NEDD4: variants seen among roughly 807,000 people sequenced by gnomAD.
NEDD4 encodes the protein NEDD4 E3 ubiquitin protein ligase, also known as E3 ubiquitin-protein ligase NEDD4.
In NEDD4, 99 loss-of-function variants were observed where a neutral mutation model predicts 144.9. The observed-to-expected ratio is 0.68, with a 90% CI of 0.58 to 0.81. The LOEUF (loss-of-function observed/expected upper bound fraction) is 0.81, where lower values mean the gene tolerates loss of function less well. NEDD4 is among the 30% of genes least tolerant of loss of function. The pLI is 0.00. For missense variants in NEDD4, 985 were observed against 1,065.9 expected (o/e 0.92, Z 1.06); for synonymous variants, 318 against 350.6 (o/e 0.91, Z 1.04).
At chr15:55,832,581 A>G (rs556665001) in intron 27 of NEDD4, among the ~76,000 whole-genome samples, 1 of 152,130 alleles carries the variant, frequency 6.6e-6, no homozygotes, top group African/African-American at 2.4e-5. Flanking sequence ...AGCCCAGCTA[A>G]TATTTGTATT....
In NEDD4 at chr15:55,951,526, T is replaced by C. The variant is rs1358234875; in HGVS notation, c.183A>G (p.Thr61=). ...PMNGVLTSVQ[T]KTIKKSLNPK... Reference sequence around the variant, plus strand: ...TAAGTCTAACCTTTTTAATGGTTTTTGTTTGCACACTTGTAAGAACTCCAT... The same window carrying C: ...TAAGTCTAACCTTTTTAATGGTTTTCGTTTGCACACTTGTAAGAACTCCAT... Residue 61 remains threonine, a synonymous_variant, in exon 3 of 29, where the codon ACA becomes ACG. Coordinates refer to ENST00000435532, the MANE Select transcript of NEDD4 (RefSeq NM_006154.4). The C allele has an allele frequency of 3.3e-6, 5 of 1,534,796 alleles. No homozygotes were observed. Among genetic ancestry groups the C allele is most frequent in the Non-Finnish European group, 3.5e-6 (4 of 1,141,698 alleles).
intron 5 of NEDD4, among the ~76,000 whole-genome samples, chr15:55,876,325 C>A (rs1335370399): frequency 6.7e-6 from 1 of 149,904 alleles, no homozygotes. Flanking sequence ...ATAAAGAGCA[C>A]CAGAAAATGG....
chr15:55,840,366 T>G, intron 21 of NEDD4, 81 bp downstream of exon 21: 1 of 1,217,306 alleles, frequency 8.2e-7, no homozygotes, highest in Non-Finnish European at 1.2e-6. Flanking sequence ...AATTTCCATG[T>G]CATTAAAAGC....
intron 5 of NEDD4, among the ~76,000 whole-genome samples, chr15:55,900,086 T>C (rs1412589307): frequency 6.6e-6 from 1 of 151,526 alleles, no homozygotes; most frequent in African/African-American, 2.4e-5. Flanking sequence ...TTTTTTAAAC[T>C]AGTTTGGCTC....
chr15:55,870,690 T>C (rs2034759840), intron 7 of NEDD4, among the ~76,000 whole-genome samples: 2 of 151,904 alleles, frequency 1.3e-5, no homozygotes, highest in South Asian at 4.2e-4. Context: ...CACACTGCCA[T>C]GCCCGGTTAA....
chr15:55,951,931 G>A (rs2037247866), intron 2 of NEDD4, among the ~76,000 whole-genome samples: 1 of 151,788 alleles, frequency 6.6e-6, no homozygotes, highest in Admixed American at 6.6e-5. Flanking sequence ...CAATGATTCT[G>A]ACGCTGGTTT....
At chr15:55,858,069 T>A (rs1159763357) in intron 11 of NEDD4, among the ~76,000 whole-genome samples, 1 of 152,236 alleles carries the variant, frequency 6.6e-6, no homozygotes, top group African/African-American at 2.4e-5. Flanking sequence ...TGCATTTAAA[T>A]AATTTACATA....
chr15:55,898,322 C>A (rs2035801925), intron 5 of NEDD4, among the ~76,000 whole-genome samples: 2 of 152,178 alleles, frequency 1.3e-5, no homozygotes, highest in South Asian at 4.1e-4. Context: ...CTAAAAGTTA[C>A]AAACTACTGA....
intron 4 of NEDD4, among the ~76,000 whole-genome samples, chr15:55,925,488 T>C (rs1176559184): frequency 6.6e-6 from 1 of 152,232 alleles, no homozygotes; most frequent in Non-Finnish European, 1.5e-5. Context: ...GTCAAAAGTA[T>C]ACACTGCGTT....
intron 5 of NEDD4, among the ~76,000 whole-genome samples, chr15:55,913,763 CA>C (rs1206442109): frequency 1.3e-5 from 2 of 151,974 alleles, no homozygotes; most frequent in East Asian, 3.8e-4. Context: ...ATACTCTTCT[CA>C]AAAGCATCCA....
chr15:55,983,069 C>T (rs2037829526), intron 1 of NEDD4, among the ~76,000 whole-genome samples: 1 of 151,978 alleles, frequency 6.6e-6, no homozygotes, highest in Admixed American at 6.6e-5. Flanking sequence ...TTGCAGTGAA[C>T]CGAGATTGCG....
intron 8 of NEDD4, 38 bp from the exon 9 acceptor site, chr15:55,863,117 A>AT (rs754850145): frequency 2.7e-6 from 4 of 1,485,416 alleles, no homozygotes; most frequent in African/African-American, 2.8e-5. Context: ...TTTACGCATG[A>AT]TTTTTTTAAC....
At chr15:55,915,432 G>C in intron 5 of NEDD4, 1 of 1,613,796 alleles carries the variant, frequency 6.2e-7, no homozygotes, top group Non-Finnish European at 8.5e-7. Context: ...GGATAGACAG[G>C]AAATATTTGG....
chr15:55,924,896 C>T (rs2036634146), intron 4 of NEDD4, among the ~76,000 whole-genome samples, 197 bp from the exon 5 acceptor site: 1 of 152,052 alleles, frequency 6.6e-6, no homozygotes, highest in African/African-American at 2.4e-5. Flanking sequence ...GGTGAAACCT[C>T]GTCTCTACTA....
intron 2 of NEDD4, among the ~76,000 whole-genome samples, chr15:55,955,471 C>A (rs538127717): frequency 1.3e-5 from 2 of 152,192 alleles, no homozygotes; most frequent in Admixed American, 1.3e-4. Context: ...TTTCTACTTA[C>A]CCCTCACCCC....
intron 17 of NEDD4, among the ~76,000 whole-genome samples, chr15:55,847,479 G>A (rs768712526): frequency 1.4e-4 from 22 of 151,792 alleles, no homozygotes; most frequent in Admixed American, 2.0e-4. Flanking sequence ...AATAAAAAAC[G>A]GTATCTTCAG....
intron 4 of NEDD4, among the ~76,000 whole-genome samples, chr15:55,929,721 G>T (rs925074902): frequency 6.6e-6 from 1 of 152,118 alleles, no homozygotes; most frequent in African/African-American, 2.4e-5. Context: ...TTTTATCACT[G>T]TTAAGTATGA....
rs1450499261 is a variant in NEDD4 at position 55,829,488 on chromosome 15, CAT to C, written c.*407_*408del. On this transcript the variant is annotated 3_prime_UTR_variant, in exon 29 of 29. Transcript: ENST00000435532. ...CTCAAAATGCATCAAACTTTTCACA[CAT>C]GACACGTATCACAAATATTTCACAG... 6.4e-6 allele frequency: 1 copy of C among 155,830 alleles called. No homozygotes were observed. Among genetic ancestry groups the C allele is most frequent in the Admixed American group, 6.3e-5 (1 of 15,890 alleles). 9.7% of individuals were successfully genotyped at this position (155,830 alleles called of 1,614,324 possible).
intron 5 of NEDD4, chr15:55,915,934 T>C (rs1177569088): frequency 3.1e-6 from 5 of 1,613,850 alleles, no homozygotes; most frequent in Non-Finnish European, 3.4e-6. Context: ...GGAGAAATAA[T>C]AAACTGGTGT....
Sources: gnomAD v4.1 joint callset for allele counts (sites outside exome capture counted in the v4.1 genomes callset) on GRCh38, gnomAD v4.1.1 for gene constraint, MANE v1.5 for transcripts, NCBI Gene and HGNC (gene_info 2026-07-23, HGNC 2026-07-21) for gene names.